Variants in ARL5A observed in about 807,000 individuals in gnomAD.
ARL5A encodes ARF like GTPase 5A.
ARL5A carries 18 observed loss-of-function variants against 25.9 expected under a neutral mutation model. That is an observed-to-expected ratio of 0.69 (90% CI 0.48 to 1.03). The LOEUF is 1.03. Among genes scored for constraint, ARL5A ranks in the 50% least tolerant of loss-of-function variants. The pLI, the probability that ARL5A is intolerant of heterozygous loss-of-function variation, is 0.00. For missense variants in ARL5A, 170 were observed against 211.9 expected (o/e 0.80, Z 1.23); for synonymous variants, 61 against 67.5 (o/e 0.90, Z 0.47).
At chr2:151,807,097 T>C in intron 4 of ARL5A, 125 bp from the exon 5 acceptor site, 1 of 823,754 alleles carries the variant, frequency 1.2e-6, no homozygotes, top group Admixed American at 2.9e-5. Flanking sequence ...TAAAAGCATC[T>C]CAGTGCCTAG....
chr2:151,805,088 A>T (rs1283792493), intron 5 of ARL5A, among the ~76,000 whole-genome samples: 1 of 152,146 alleles, frequency 6.6e-6, no homozygotes, highest in Non-Finnish European at 1.5e-5. Context: ...TTTATTGACA[A>T]ATATTATAAA....
At chr2:151,803,385 T>C in intron 5 of ARL5A, 61 bp from the exon 6 acceptor site, 1 of 1,197,206 alleles carries the variant, frequency 8.4e-7, no homozygotes, top group Non-Finnish European at 1.2e-6. Flanking sequence ...AGCAGCAAAC[T>C]ATGAACAGCA....
intron 1 of ARL5A, among the ~76,000 whole-genome samples, chr2:151,827,137 C>CT (rs2099833171): frequency 6.6e-6 from 1 of 152,340 alleles, no homozygotes; most frequent in African/African-American, 2.4e-5. Context: ...AAAACACAAA[C>CT]TAAGTTCCTG....
At chr2:151,807,072 C>T in intron 4 of ARL5A, 100 bp from the exon 5 acceptor site, 1 of 1,122,686 alleles carries the variant, frequency 8.9e-7, no homozygotes, top group Non-Finnish European at 1.3e-6. Flanking sequence ...ACAAGAATTT[C>T]TCAACTATGT....
chr2:151,824,025 G>A (rs931699935), intron 1 of ARL5A, among the ~76,000 whole-genome samples: 2 of 152,188 alleles, frequency 1.3e-5, no homozygotes, highest in Admixed American at 6.5e-5. Context: ...AAAGAAAAAC[G>A]TTTAAAGGAC....
At chr2:151,806,768 A>C in intron 5 of ARL5A, 53 bp downstream of exon 5, 1 of 1,543,838 alleles carries the variant, frequency 6.5e-7, no homozygotes, top group Non-Finnish European at 8.7e-7. Flanking sequence ...GAAGATATAC[A>C]TGTTACTAAG....
rs1329231053 is a variant in ARL5A at position 151,801,854 on chromosome 2, CATAA to C, written c.*1418_*1421del. ...TCAGATTTTCAAGGCATGAAAGATA[CATAA>C]ATAGAGTACCCAAGAATATGTTTTA... On this transcript the variant is annotated 3_prime_UTR_variant, in exon 6 of 6. Transcript: ENST00000295087. 3.3e-5 allele frequency: 5 copies of C among 151,824 alleles called. No individual in the cohort carries two copies. The highest frequency in any genetic ancestry group is 4.1e-4 in the South Asian group (2 of 4,824). The allele number at this position is 151,824 out of a possible 1,614,324, so 9.4% of individuals were successfully genotyped here.
chr2:151,828,066 CCCCACCTAG>C, intron 1 of ARL5A, 56 bp downstream of exon 1: 1 of 1,552,284 alleles, frequency 6.4e-7, no homozygotes, highest in Non-Finnish European at 8.8e-7. Context: ...ATTCGGAGAC[CCCCACCTAG>C]CCGGCCCGAG....
At chr2:151,809,626 G>A (rs1164296197) in intron 4 of ARL5A, among the ~76,000 whole-genome samples, 2 of 152,186 alleles carry the variant, frequency 1.3e-5, no homozygotes, top group African/African-American at 2.4e-5. Context: ...GAACAACGGT[G>A]ATCTTTTGTA....
intron 1 of ARL5A, among the ~76,000 whole-genome samples, chr2:151,820,974 A>G (rs1046758454): frequency 6.6e-6 from 1 of 152,224 alleles, no homozygotes; most frequent in Non-Finnish European, 1.5e-5. Context: ...CCTGAAAGTG[A>G]ATAACTAAAT....
intron 4 of ARL5A, among the ~76,000 whole-genome samples, chr2:151,811,251 T>A (rs568982371): frequency 1.3e-5 from 2 of 152,050 alleles, no homozygotes; most frequent in Non-Finnish European, 2.9e-5. Flanking sequence ...AAGCAAATCA[T>A]CAAATCAATA....
chr2:151,808,506 C>G (rs2151292661), intron 4 of ARL5A, among the ~76,000 whole-genome samples: 1 of 152,292 alleles, frequency 6.6e-6, no homozygotes, highest in Non-Finnish European at 1.5e-5. Flanking sequence ...ACAGTGCCCT[C>G]TGCAGGATGG....
chr2:151,811,512 C>T (rs914605761), intron 4 of ARL5A, among the ~76,000 whole-genome samples: 8 of 151,288 alleles, frequency 5.3e-5, no homozygotes, highest in South Asian at 2.1e-4. Flanking sequence ...TTTATGTTAC[C>T]GTAATATTTT....
At chr2:151,803,869 C>G (rs1189104871) in intron 5 of ARL5A, among the ~76,000 whole-genome samples, 1 of 151,698 alleles carries the variant, frequency 6.6e-6, no homozygotes, top group African/African-American at 2.4e-5. Context: ...GAAATGTATC[C>G]CAAAAAAGAA....
chr2:151,806,334 A>G (rs1429746016), intron 5 of ARL5A, among the ~76,000 whole-genome samples: 2 of 152,206 alleles, frequency 1.3e-5, no homozygotes, highest in African/African-American at 4.8e-5. Context: ...TTCCAACAGT[A>G]AATAAACCCA....
At chr2:151,813,023 C>T (rs2099831053) in intron 3 of ARL5A, among the ~76,000 whole-genome samples, 1 of 152,140 alleles carries the variant, frequency 6.6e-6, no homozygotes, top group African/African-American at 2.4e-5. Flanking sequence ...CGATGAAAGA[C>T]TTGTGATTGT....
rs539847792 is a variant in ARL5A at position 151,824,171 on chromosome 2, A to G, written c.46+3960T>C. On this transcript the variant is annotated intron_variant, in intron 1 of 5. Coordinates refer to ENST00000295087, the MANE Select transcript of ARL5A (RefSeq NM_012097.4). ...AAAGATTCTGTTTTTCACTTTCAGTACAGTATTCAATAAATTACACGAGAT... is the reference window on the plus strand; with the variant it reads ...AAAGATTCTGTTTTTCACTTTCAGTGCAGTATTCAATAAATTACACGAGAT... Among the ~76,000 whole-genome samples the G allele has an allele frequency of 3.9e-5, 6 of 152,374 alleles. No homozygotes were observed. In the South Asian group the frequency reaches 1.0e-3, roughly 26 times the overall value.
chr2:151,821,179 A>G (rs957332680), intron 1 of ARL5A, among the ~76,000 whole-genome samples: 54 of 152,254 alleles, frequency 3.5e-4, no homozygotes, highest in African/African-American at 1.3e-3. Flanking sequence ...CCACACTACA[A>G]TCTTACTCTT....
chr2:151,816,593 A>T (rs1347799966), intron 1 of ARL5A, among the ~76,000 whole-genome samples: 1 of 152,228 alleles, frequency 6.6e-6, no homozygotes. Context: ...TCTTCATTGT[A>T]AGATAGGGGA....
Sources: gnomAD v4.1 joint callset for allele counts (sites outside exome capture counted in the v4.1 genomes callset) on GRCh38, gnomAD v4.1.1 for gene constraint, MANE v1.5 for transcripts, NCBI Gene and HGNC (gene_info 2026-07-23, HGNC 2026-07-21) for gene names.